Variants in VAMP7 observed in about 807,000 individuals in gnomAD.
The protein encoded by VAMP7 is vesicle-associated membrane protein 7.
A neutral mutation model predicts 29.6 loss-of-function variants in VAMP7; 14 were observed. That is an observed-to-expected ratio of 0.47 (90% confidence interval 0.31 to 0.74). The LOEUF (loss-of-function observed/expected upper bound fraction) is 0.74, where lower values mean the gene tolerates loss of function less well. Among genes scored for constraint, VAMP7 ranks in the 30% least tolerant of loss-of-function variants. The probability of loss-of-function intolerance (pLI) is 0.05; values close to 1 mark genes in which losing one functional copy is unlikely to be tolerated. For missense variants in VAMP7, 223 were observed against 262.4 expected, an observed-to-expected ratio of 0.85 and a Z score of 1.04; for synonymous variants, 95 against 88.1, an observed-to-expected ratio of 1.08 and a Z score of -0.44.
chrX:155,934,317 A>C (rs1374385849), intron 6 of VAMP7, among the ~76,000 whole-genome samples: 1 of 152,058 alleles, frequency 6.6e-6, no homozygotes, highest in Non-Finnish European at 1.5e-5. Context: ...GTCTCCCTTT[A>C]TTATTGTATG....
At chrX:155,932,385 G>A (rs188139342) in intron 6 of VAMP7, among the ~76,000 whole-genome samples, 1 of 152,190 alleles carries the variant, frequency 6.6e-6, no homozygotes, top group African/African-American at 2.4e-5. Context: ...TTATTTCGCT[G>A]AACAGTAGTT....
At chrX:155,921,159 G>T (rs747652775) in intron 6 of VAMP7, among the ~76,000 whole-genome samples, 1 of 152,266 alleles carries the variant, frequency 6.6e-6, no homozygotes. Flanking sequence ...AGTATGATCT[G>T]TACTTTACAA....
At chrX:155,929,056 AT>A (rs1221943422) in intron 6 of VAMP7, among the ~76,000 whole-genome samples, 1 of 152,132 alleles carries the variant, frequency 6.6e-6, no homozygotes, top group Non-Finnish European at 1.5e-5. Flanking sequence ...TATTTGAACA[AT>A]TTTTTGACTG....
chrX:155,886,960 C>G (rs760542391), intron 1 of VAMP7, among the ~76,000 whole-genome samples: 222 of 152,282 alleles, frequency 1.5e-3, no homozygotes, highest in African/African-American at 5.1e-3. Context: ...TTTCATCTCT[C>G]TGTTCCAGGG....
chrX:155,930,693 TTTA>T (rs1376470148), intron 6 of VAMP7, among the ~76,000 whole-genome samples: 8 of 150,308 alleles, frequency 5.3e-5, no homozygotes, highest in African/African-American at 1.9e-4. Flanking sequence ...TTTTTTATTT[TTTA>T]TTTTTTTTAT....
intron 6 of VAMP7, among the ~76,000 whole-genome samples, chrX:155,931,457 G>A (rs910685809): frequency 1.3e-4 from 20 of 152,076 alleles, no homozygotes; most frequent in Non-Finnish European, 1.6e-4. Flanking sequence ...TTCTCTGATG[G>A]CCAGTGATGA....
chrX:155,936,701 C>T (rs2066662906), intron 6 of VAMP7, among the ~76,000 whole-genome samples: 1 of 152,166 alleles, frequency 6.6e-6, no homozygotes, highest in African/African-American at 2.4e-5. Context: ...GCTGCACCCA[C>T]TGTCCAACAA....
At chrX:155,933,775 CTT>C (rs1323401573) in intron 6 of VAMP7, among the ~76,000 whole-genome samples, 1 of 152,086 alleles carries the variant, frequency 6.6e-6, no homozygotes, top group Non-Finnish European at 1.5e-5. Flanking sequence ...TCCTCTAGTT[CTT>C]TTAATTGTGA....
At chrX:155,898,079 C>G (rs374324284) in intron 3 of VAMP7, 33 bp from the exon 4 acceptor site, 3 of 1,601,742 alleles carry the variant, frequency 1.9e-6, no homozygotes, top group Non-Finnish European at 1.7e-6. Context: ...TGTTTACTTT[C>G]TAAATGTGAG....
chrX:155,928,722 G>A (rs1280030957), intron 6 of VAMP7, among the ~76,000 whole-genome samples: 17 of 152,084 alleles, frequency 1.1e-4, no homozygotes, highest in Admixed American at 1.0e-3. Context: ...ACATTCATAG[G>A]GATTAGGACA....
At chrX:155,929,679 G>A (rs183907438) in intron 6 of VAMP7, among the ~76,000 whole-genome samples, 463 of 152,146 alleles carry the variant, frequency 3.0e-3, no homozygotes, top group African/African-American at 0.011. Context: ...TTCTTGTCCC[G>A]TGTTGGATGG....
intron 5 of VAMP7, among the ~76,000 whole-genome samples, chrX:155,913,219 G>A (rs2066262861): frequency 6.6e-6 from 1 of 151,820 alleles, no homozygotes; most frequent in African/African-American, 2.4e-5. Flanking sequence ...TTTTTGATGG[G>A]GTTGTTTTTT....
Position 155,927,421 on chromosome X carries a change from C to A in VAMP7, c.501+7541C>A, listed in dbSNP as rs866058173. On this transcript the variant is annotated intron_variant, in intron 6 of 7. Transcript: ENST00000286448. ...CAGGCCAAGCAGGAAAAAAAAAAAA[C>A]AAACCAGAAAAATGGTGCTGATAGT... Among the ~76,000 whole-genome samples, 372 of 98,990 alleles carry A rather than the reference C, an allele frequency of 3.8e-3. 5 individuals carry two copies. Among genetic ancestry groups the A allele is most frequent in the Middle Eastern group, 0.012 (2 of 166 alleles). The allele number at this position is 98,990 out of a possible 152,430, so 64.9% of individuals were successfully genotyped here. A position where few individuals can be genotyped will look rare whatever the true frequency, so the allele number is the denominator to read the frequency against.
intron 6 of VAMP7, among the ~76,000 whole-genome samples, chrX:155,926,760 C>CT (rs1203287027): frequency 6.6e-6 from 1 of 152,146 alleles, no homozygotes; most frequent in East Asian, 1.9e-4. Context: ...ACTCACTAAG[C>CT]TTAATTATTT....
In VAMP7 at chrX:155,928,072, G is replaced by A. The variant is rs187850240; in HGVS notation, c.501+8192G>A. Among the ~76,000 whole-genome samples, 302 of 151,710 alleles carry A rather than the reference G, an allele frequency of 2.0e-3. 1 individual carries two copies. The highest frequency in any genetic ancestry group is 7.0e-3 in the African/African-American group (291 of 41,374). On this transcript the variant is annotated intron_variant, in intron 6 of 7. Transcript: ENST00000286448. ...CCAAGTAGGAGGACCACAGGCATGC[G>A]CCATCACACTTAGCTAATTTTTTAA...
At chrX:155,893,324 T>A (rs2065947306) in intron 2 of VAMP7, among the ~76,000 whole-genome samples, 1 of 152,120 alleles carries the variant, frequency 6.6e-6, no homozygotes, top group South Asian at 2.1e-4. Flanking sequence ...GATGGAGATT[T>A]GGGAATCATT....
At chrX:155,941,769 G>A in intron 7 of VAMP7, 114 bp from the exon 8 acceptor site, 1 of 1,206,126 alleles carries the variant, frequency 8.3e-7, no homozygotes. Flanking sequence ...CTACATAACT[G>A]CTACTCTAAT....
At chrX:155,934,040 T>C (rs1028611607) in intron 6 of VAMP7, among the ~76,000 whole-genome samples, 1 of 152,232 alleles carries the variant, frequency 6.6e-6, no homozygotes, top group Non-Finnish European at 1.5e-5. Context: ...TGAGTTCTAA[T>C]TTGATTTCAC....
At position 155,920,567 on chromosome X, in the gene VAMP7, G is replaced by A. The variant is rs768257015; in HGVS notation, c.501+687G>A. ...AAGAAAACAGTGATTGATTATGTTC[G>A]TTGTGACTGACAGCTGGATTGTAGT... On this transcript the variant is annotated intron_variant, in intron 6 of 7. Transcript: ENST00000286448. Among the ~76,000 whole-genome samples, 6 of 152,270 alleles carry A rather than the reference G, an allele frequency of 3.9e-5. No individual in the cohort carries two copies. The East Asian group carries it at 5.8e-4, about 15-fold the overall frequency.
Sources: allele counts gnomAD v4.1 joint callset (sites outside exome capture counted in the v4.1 genomes callset), GRCh38; gene constraint gnomAD v4.1.1; transcripts MANE v1.5; gene names NCBI Gene and HGNC (gene_info 2026-07-23, HGNC 2026-07-21).